The following TBC1D31 variants were observed in gnomAD, a reference collection of about 807,000 sequenced individuals.
The protein encoded by TBC1D31 is WD repeat domain 67.
A neutral mutation model predicts 132.9 loss-of-function variants in TBC1D31; 99 were observed. The ratio of observed to expected loss-of-function variants is 0.74; its 90% CI spans 0.63 to 0.88. The LOEUF (loss-of-function observed/expected upper bound fraction) is 0.88. Ranked by LOEUF, TBC1D31 falls within the 40% of genes least tolerant of loss-of-function variation. The pLI is 0.00. For synonymous variants in TBC1D31, 385 were observed against 419.4 expected, an observed-to-expected ratio of 0.92 and a Z score of 1.00; for missense variants, 1,134 against 1,256.6, an observed-to-expected ratio of 0.90 and a Z score of 1.48.
Position 123,082,827 on chromosome 8 carries a change from TCTC to T in TBC1D31, c.340+13_340+15del, listed in dbSNP as rs1815308483. The stretch of plus-strand genomic sequence containing the variant: ...AAATGTTTTGATACAGGTAAGAAGT[TCTC>T]CTATTTTTCTTTTGAAGCAGAGTAA... On this transcript the variant is annotated intron_variant, in intron 3 of 21. Transcript: ENST00000287380. The T allele has an allele frequency of 6.4e-7, 1 of 1,565,616 alleles. No homozygotes were observed.
chr8:123,126,260 T>C (rs1180239030), intron 12 of TBC1D31, 71 bp downstream of exon 12: 1 of 1,509,014 alleles, frequency 6.6e-7, no homozygotes, highest in Non-Finnish European at 8.9e-7. Flanking sequence ...GTATAAACAG[T>C]CTTTTCTTGA....
Position 123,138,750 on chromosome 8 carries a change from G to T in TBC1D31, c.2500-2011G>T, listed in dbSNP as rs7827419. Among the ~76,000 whole-genome samples, 13 of 151,958 alleles carry T rather than the reference G, an allele frequency of 8.6e-5. 1 individual carries two copies. The highest frequency in any genetic ancestry group is 1.5e-5 in the Non-Finnish European group (1 of 68,002). On this transcript the variant is annotated intron_variant, in intron 17 of 21. Coordinates refer to ENST00000287380, the MANE Select transcript of TBC1D31 (RefSeq NM_145647.4). ...TTTTCATATGTTTATTGGCCATTTT[G>T]TATTTTCTTTGGAGATAGTGTGATT...
At chr8:123,108,947 A>G (rs947622331) in intron 8 of TBC1D31, among the ~76,000 whole-genome samples, 3 of 152,194 alleles carry the variant, frequency 2.0e-5, no homozygotes, top group African/African-American at 7.2e-5. Context: ...TGAGAACAGC[A>G]TGGGGGAACT....
rs189772601 is a variant in TBC1D31 at position 123,145,204 on chromosome 8, G to A, written c.2974+349G>A. 1.3e-3 allele frequency among the ~76,000 whole-genome samples: 201 copies of A among 152,292 alleles called. 1 individual carries two copies. The highest frequency in any genetic ancestry group is 1.3e-3 in the Non-Finnish European group (87 of 68,030). On this transcript the variant is annotated intron_variant, in intron 20 of 21. Coordinates refer to ENST00000287380, the MANE Select transcript of TBC1D31 (RefSeq NM_145647.4). The stretch of plus-strand genomic sequence containing the variant: ...CTCTCAAAGTGCTGGGATTATAGGC[G>A]TGAGCCACTGTGCCTGGCCAGTGAA...
At chr8:123,085,414 C>CT (rs1368216451) in intron 4 of TBC1D31, among the ~76,000 whole-genome samples, 2 of 151,738 alleles carry the variant, frequency 1.3e-5, no homozygotes, top group African/African-American at 4.9e-5. Context: ...TTATGTAAGG[C>CT]TTTTTTCACT....
intron 2 of TBC1D31, among the ~76,000 whole-genome samples, chr8:123,080,254 C>T (rs1201275702): frequency 1.3e-5 from 2 of 152,098 alleles, no homozygotes; most frequent in African/African-American, 4.8e-5. Flanking sequence ...CATCAAAGAA[C>T]AATACATTTT....
Position 123,144,847 on chromosome 8 carries a change from G to A in TBC1D31, c.2966G>A (p.Cys989Tyr). Residue 989 changes from cysteine to tyrosine, a missense_variant, in exon 20 of 22, where the codon TGT becomes TAT. Coordinates refer to ENST00000287380, the MANE Select transcript of TBC1D31 (RefSeq NM_145647.4). ...NAAVEHAENPCHKEEPRFQNE... is the reference protein window; with the variant it reads ...NAAVEHAENPYHKEEPRFQNE... The stretch of plus-strand genomic sequence containing the variant: ...GCTGTAGAACATGCTGAAAATCCAT[G>A]TCATAAAGGTGAGTGTCTGAGAGGC... The A allele has an allele frequency of 6.2e-7, 1 of 1,611,180 alleles. No homozygotes were observed. The highest frequency in any genetic ancestry group is 8.5e-7 in the Non-Finnish European group (1 of 1,179,260).
chr8:123,157,719 G>GCA, the TBC1D31 span, among the ~76,000 whole-genome samples: 98,942 of 147,948 alleles, frequency 0.67, 33,147 homozygotes, highest in East Asian at 0.77. Flanking sequence ...GCGCGCGCGC[G>GCA]CACACACACA....
chr8:123,130,358 C>T (rs1241404896), intron 16 of TBC1D31, 25 bp downstream of exon 16: 1 of 1,590,282 alleles, frequency 6.3e-7, no homozygotes, highest in Non-Finnish European at 8.6e-7. Flanking sequence ...ACTTAGTTCT[C>T]ATACATCATC....
chr8:123,101,010 A>G lies in TBC1D31; in HGVS notation c.1032+3A>G. 1 of 1,598,018 alleles carries G rather than the reference A, an allele frequency of 6.3e-7. No homozygotes were observed. Among genetic ancestry groups the G allele is most frequent in the Non-Finnish European group, 8.6e-7 (1 of 1,165,590 alleles). On this transcript the variant is annotated splice_donor_region_variant and intron_variant, in intron 7 of 21. Coordinates refer to ENST00000287380, the MANE Select transcript of TBC1D31 (RefSeq NM_145647.4). ...CTTTAACACAAGAAATAAATAAGGT[A>G]TGTATGATGAAGTAATCAACATCAG...
At chr8:123,157,600 T>C in the TBC1D31 span, among the ~76,000 whole-genome samples, 4 of 152,188 alleles carry the variant, frequency 2.6e-5, no homozygotes, top group African/African-American at 9.7e-5. Flanking sequence ...GAAACACTTA[T>C]CAGGCACCCA....
intron 21 of TBC1D31, among the ~76,000 whole-genome samples, chr8:123,151,333 T>C (rs990816914): frequency 6.6e-6 from 1 of 152,204 alleles, no homozygotes; most frequent in Non-Finnish European, 1.5e-5. Flanking sequence ...CACTTGGACA[T>C]GTTGTAGTAT....
At position 123,114,149 on chromosome 8, in the gene TBC1D31, A is replaced by T. The variant is rs1360087948; in HGVS notation, c.1436+4529A>T. 2.6e-5 allele frequency among the ~76,000 whole-genome samples: 4 copies of T among 152,230 alleles called. 1 individual carries two copies. The highest frequency in any genetic ancestry group is 5.9e-5 in the Non-Finnish European group (4 of 68,038). ...TCTGGGATTTGCTTTATAATAGTCTAGCCAAAAATTGAGGGGATATAGTCA... is the reference window on the plus strand; with the variant it reads ...TCTGGGATTTGCTTTATAATAGTCTTGCCAAAAATTGAGGGGATATAGTCA... On this transcript the variant is annotated intron_variant, in intron 10 of 21. Coordinates refer to ENST00000287380, the MANE Select transcript of TBC1D31 (RefSeq NM_145647.4).
chr8:123,114,026 C>T (rs895930387), intron 10 of TBC1D31, among the ~76,000 whole-genome samples: 3 of 152,042 alleles, frequency 2.0e-5, no homozygotes, highest in African/African-American at 7.2e-5. Flanking sequence ...ATTTTATTTA[C>T]GTTACAGTGG....
chr8:123,115,255 A>T (rs1345099672), intron 10 of TBC1D31, among the ~76,000 whole-genome samples: 1 of 152,204 alleles, frequency 6.6e-6, no homozygotes, highest in Non-Finnish European at 1.5e-5. Flanking sequence ...AAAGATGGCA[A>T]CTCAGCATTG....
intron 2 of TBC1D31, 106 bp from the exon 3 acceptor site, chr8:123,082,596 G>A: frequency 1.4e-6 from 1 of 734,284 alleles, no homozygotes; most frequent in East Asian, 2.7e-5. Flanking sequence ...TAAAATGGTA[G>A]CTCATTTTTC....
chr8:123,143,023 T>C (rs182922004), intron 19 of TBC1D31, among the ~76,000 whole-genome samples: 2 of 152,270 alleles, frequency 1.3e-5, no homozygotes, highest in East Asian at 3.9e-4. Flanking sequence ...TCCAAGGTTA[T>C]CAGGGAAATG....
chr8:123,092,061 C>T (rs1158554672), intron 4 of TBC1D31, among the ~76,000 whole-genome samples: 1 of 152,184 alleles, frequency 6.6e-6, no homozygotes, highest in East Asian at 1.9e-4. Flanking sequence ...GTTGCCCAGG[C>T]TGGAGTGCAG....
In TBC1D31 at chr8:123,151,299, C is replaced by T. The variant is rs1822749922; in HGVS notation, c.3068-507C>T. The stretch of plus-strand genomic sequence containing the variant: ...AAAAAAAATTTCAGTGTTCACTAGC[C>T]CCTCTAAATCAGTAACGCTCTTACA... On this transcript the variant is annotated intron_variant, in intron 21 of 21. Transcript: ENST00000287380. 3.3e-5 allele frequency among the ~76,000 whole-genome samples: 5 copies of T among 152,210 alleles called. No homozygotes were observed. The South Asian group carries it at 1.0e-3, about 32-fold the overall frequency.
Sources: allele counts gnomAD v4.1 joint callset (sites outside exome capture counted in the v4.1 genomes callset), GRCh38; gene constraint gnomAD v4.1.1; transcripts MANE v1.5; gene names NCBI Gene and HGNC (gene_info 2026-07-23, HGNC 2026-07-21).